The following ADAM9 variants were observed in gnomAD, a reference collection of about 807,000 sequenced individuals.
ADAM9 encodes the protein disintegrin and metalloproteinase domain-containing protein 9.
ADAM9 carries 54 observed loss-of-function variants against 108.1 expected under a neutral mutation model. The observed-to-expected ratio is 0.50, with a 90% CI of 0.40 to 0.63. The LOEUF is 0.63. ADAM9 is among the 20% of genes least tolerant of loss of function. The pLI is 0.00. For missense variants in ADAM9, 830 were observed against 997.7 expected, an observed-to-expected ratio of 0.83 and a Z score of 2.26; for synonymous variants, 316 against 336.0, an observed-to-expected ratio of 0.94 and a Z score of 0.65.
At chr8:39,012,697 CA>C (rs1836394535) in intron 3 of ADAM9, among the ~76,000 whole-genome samples, 1 of 151,966 alleles carries the variant, frequency 6.6e-6, no homozygotes, top group Admixed American at 6.6e-5. Flanking sequence ...ATTGCAAGGA[CA>C]AAAAACCAAA....
intron 3 of ADAM9, 43 bp from the exon 4 acceptor site, chr8:39,013,922 G>A (rs745320048): frequency 6.8e-7 from 1 of 1,467,282 alleles, no homozygotes; most frequent in South Asian, 1.1e-5. Flanking sequence ...CTTAGTTGTA[G>A]ATAGATAACA....
chr8:39,092,288 C>T (rs1839380706), intron 20 of ADAM9, among the ~76,000 whole-genome samples: 1 of 150,710 alleles, frequency 6.6e-6, no homozygotes, highest in Non-Finnish European at 1.5e-5. Context: ...TTCATTTTCA[C>T]TGTTGAAAAT....
intron 14 of ADAM9, among the ~76,000 whole-genome samples, chr8:39,058,455 A>T (rs941767159): frequency 1.3e-5 from 2 of 152,054 alleles, no homozygotes; most frequent in East Asian, 1.9e-4. Context: ...TCCTTCCTAG[A>T]TTGGGTTGTT....
At position 39,054,593 on chromosome 8, in the gene ADAM9, TGG is replaced by T; in HGVS notation, c.1395+21_1395+22del. On this transcript the variant is annotated intron_variant, in intron 13 of 21. Transcript: ENST00000487273. ...TGTCGGGTAAGGAATTCCTCCCTTT[TGG>T]AAACAGGAAAAAAAAAAAAAAAAAA... is the stretch of plus-strand genomic sequence containing the variant. 7.2e-7 allele frequency: 1 copy of T among 1,380,696 alleles called. No individual in the cohort carries two copies. The highest frequency in any genetic ancestry group is 1.6e-5 in the African/African-American group (1 of 61,402). The allele number at this position is 1,380,696 out of a possible 1,614,324, so 85.5% of individuals were successfully genotyped here. A position where few individuals can be genotyped will look rare whatever the true frequency, so the allele number is the denominator to read the frequency against.
At chr8:39,063,790 A>G (rs73674694) in intron 14 of ADAM9, among the ~76,000 whole-genome samples, 116 of 152,230 alleles carry the variant, frequency 7.6e-4, no homozygotes, top group African/African-American at 2.7e-3. Flanking sequence ...GTCTCCCCAC[A>G]TGTCCTCATT....
At chr8:39,022,887 TATTTTA>T (rs1484767762) in intron 8 of ADAM9, among the ~76,000 whole-genome samples, 1 of 152,216 alleles carries the variant, frequency 6.6e-6, no homozygotes, top group African/African-American at 2.4e-5. Context: ...CTAATTTTTG[TATTTTA>T]GTAGAGACGG....
rs150602318 is a variant in ADAM9 at position 39,101,879 on chromosome 8, G to A, written c.2315G>A (p.Arg772Lys). The A allele has an allele frequency of 5.3e-5, 86 of 1,612,932 alleles. No homozygotes were observed. Among genetic ancestry groups the A allele is most frequent in the Non-Finnish European group, 6.7e-5 (79 of 1,179,264 alleles). The change falls in exon 21 of 22, where the codon AGA becomes AAA. Residue 772 changes from arginine (R) to lysine (K), a missense_variant. Physicochemically the swap from Arg to Lys is conservative, Grantham distance 26. Coordinates refer to ENST00000487273, the MANE Select transcript of ADAM9 (RefSeq NM_003816.3). Reference sequence around the variant, plus strand: ...TCTTTTTAGCCTATATATGCAAACAGATTTGCAGTACCAACCTATGCAGCC... The same window carrying A: ...TCTTTTTAGCCTATATATGCAAACAAATTTGCAGTACCAACCTATGCAGCC... ...PPREVPIYAN[R>K]FAVPTYAAKQ...
chr8:38,999,508 G>C (rs937040764), intron 1 of ADAM9, among the ~76,000 whole-genome samples: 1 of 152,190 alleles, frequency 6.6e-6, no homozygotes, highest in South Asian at 2.1e-4. Context: ...CTCATGGTGA[G>C]TCACTGTAAA....
chr8:39,063,035 A>T (rs2129440042), intron 14 of ADAM9, among the ~76,000 whole-genome samples: 1 of 152,354 alleles, frequency 6.6e-6, no homozygotes, highest in East Asian at 1.9e-4. Context: ...CTGAATGGCA[A>T]CATTCAATGC....
At chr8:39,045,883 T>C (rs1466341252) in intron 12 of ADAM9, among the ~76,000 whole-genome samples, 1 of 152,098 alleles carries the variant, frequency 6.6e-6, no homozygotes, top group African/African-American at 2.4e-5. Flanking sequence ...ATCAGCCTTT[T>C]TTTTTTTGAC....
chr8:39,071,570 G>A (rs1305894675), intron 15 of ADAM9, among the ~76,000 whole-genome samples, 167 bp downstream of exon 15: 2 of 150,934 alleles, frequency 1.3e-5, no homozygotes, highest in African/African-American at 2.4e-5. Flanking sequence ...AGGTTCAAGT[G>A]ATTCCCCTGC....
At chr8:39,032,389 T>A (rs1588357499) in intron 11 of ADAM9, among the ~76,000 whole-genome samples, 1 of 151,816 alleles carries the variant, frequency 6.6e-6, no homozygotes, top group South Asian at 2.1e-4. Context: ...CAGACGCCCC[T>A]CCCCCTGCCA....
At chr8:39,018,294 T>G (rs906808024) in intron 6 of ADAM9, among the ~76,000 whole-genome samples, 3 of 152,354 alleles carry the variant, frequency 2.0e-5, no homozygotes, top group African/African-American at 7.2e-5. Flanking sequence ...CTTTTTAACT[T>G]TAAACATTGG....
Position 39,065,859 on chromosome 8 carries a change from G to A in ADAM9, c.1592-5439G>A, listed in dbSNP as rs556156891. ...GTTGATATGCTGCAGCCATTAACTC[G>A]TCATTTACATTAGGTGTATATCCTA... On this transcript the variant is annotated intron_variant, in intron 14 of 21. Coordinates refer to ENST00000487273, the MANE Select transcript of ADAM9 (RefSeq NM_003816.3). Among the ~76,000 whole-genome samples the A allele has an allele frequency of 5.9e-5, 9 of 151,952 alleles. No homozygotes were observed. In the South Asian group the frequency reaches 6.2e-4, roughly 11 times the overall value.
intron 8 of ADAM9, among the ~76,000 whole-genome samples, chr8:39,022,196 A>C (rs1417663900): frequency 6.6e-6 from 1 of 151,328 alleles, no homozygotes; most frequent in Non-Finnish European, 1.5e-5. Flanking sequence ...TGTTCTTATA[A>C]TTTTATCTAC....
chr8:39,008,498 A>C (rs1044492092), intron 2 of ADAM9, among the ~76,000 whole-genome samples: 3 of 152,160 alleles, frequency 2.0e-5, no homozygotes, highest in Non-Finnish European at 4.4e-5. Context: ...TTTAAAGACA[A>C]TATGATCAAC....
intron 7 of ADAM9, among the ~76,000 whole-genome samples, chr8:39,019,369 A>T (rs950880696): frequency 1.3e-5 from 2 of 152,224 alleles, no homozygotes; most frequent in Non-Finnish European, 2.9e-5. Context: ...TTAGAAGGGA[A>T]TAGTATTAAT....
At chr8:39,018,189 G>A (rs1401391996) in intron 6 of ADAM9, among the ~76,000 whole-genome samples, 1 of 152,174 alleles carries the variant, frequency 6.6e-6, no homozygotes, top group Non-Finnish European at 1.5e-5. Flanking sequence ...TTCTGTTGCT[G>A]CCTTGAAAGA....
chr8:39,027,965 G>A (rs1836976513), intron 11 of ADAM9, among the ~76,000 whole-genome samples: 1 of 152,144 alleles, frequency 6.6e-6, no homozygotes, highest in Non-Finnish European at 1.5e-5. Context: ...GTGCGTGCCT[G>A]TAGTCCCAGC....
Sources: gnomAD v4.1 joint callset for allele counts (sites outside exome capture counted in the v4.1 genomes callset) on GRCh38, gnomAD v4.1.1 for gene constraint, MANE v1.5 for transcripts, NCBI Gene and HGNC (gene_info 2026-07-23, HGNC 2026-07-21) for gene names.